WWOX: variants seen among roughly 807,000 people sequenced by gnomAD.
WWOX encodes the protein WW domain-containing oxidoreductase.
A neutral mutation model predicts 46.2 loss-of-function variants in WWOX; 69 were observed. The ratio of observed to expected loss-of-function variants is 1.49; its 90% CI spans 1.23 to 1.82. WWOX has a LOEUF of 1.82. WWOX is among the 40% of genes most tolerant of loss of function. The probability of loss-of-function intolerance (pLI) is 0.00; values close to 1 mark genes in which losing one functional copy is unlikely to be tolerated. For missense variants in WWOX, 919 were observed against 542.6 expected, an observed-to-expected ratio of 1.69 and a Z score of -6.89; for synonymous variants, 359 against 202.6, an observed-to-expected ratio of 1.77 and a Z score of -6.56.
intron 8 of WWOX, among the ~76,000 whole-genome samples, chr16:78,864,301 C>G (rs2043955122): frequency 6.7e-6 from 1 of 149,686 alleles, no homozygotes; most frequent in African/African-American, 2.5e-5. Flanking sequence ...GAATCTTGCT[C>G]TGTTGCCCAG....
intron 5 of WWOX, among the ~76,000 whole-genome samples, chr16:78,362,762 T>G (rs185696655): frequency 5.9e-5 from 9 of 152,230 alleles, no homozygotes; most frequent in Admixed American, 5.9e-4. Context: ...AAGAACTTAC[T>G]ATGTGTCCAG....
At chr16:78,970,595 G>A (rs1259036897) in intron 8 of WWOX, among the ~76,000 whole-genome samples, 3 of 152,190 alleles carry the variant, frequency 2.0e-5, no homozygotes, top group African/African-American at 7.2e-5. Context: ...CAAGGTAGAA[G>A]GAACAGTATG....
chr16:78,829,785 T>C (rs1441816031), intron 8 of WWOX, among the ~76,000 whole-genome samples: 1 of 152,198 alleles, frequency 6.6e-6, no homozygotes, highest in Admixed American at 6.5e-5. Context: ...GAATTGCAGA[T>C]TGTAGCCAAA....
At chr16:79,072,799 G>C (rs1258160677) in intron 8 of WWOX, among the ~76,000 whole-genome samples, 1 of 152,084 alleles carries the variant, frequency 6.6e-6, no homozygotes, top group East Asian at 1.9e-4. Context: ...CTAGTATTTA[G>C]TAAATGCTTG....
intron 6 of WWOX, among the ~76,000 whole-genome samples, chr16:78,393,767 T>A (rs564789377): frequency 6.6e-6 from 1 of 152,186 alleles, no homozygotes; most frequent in Non-Finnish European, 1.5e-5. Context: ...TTCTGAACTT[T>A]CTGTCACCGG....
chr16:79,039,540 A>G (rs2047932043), intron 8 of WWOX, among the ~76,000 whole-genome samples: 2 of 152,172 alleles, frequency 1.3e-5, no homozygotes, highest in African/African-American at 2.4e-5. Flanking sequence ...CCTTTTGCCC[A>G]TGACTGTGTC....
At chr16:78,913,117 C>T (rs1451562393) in intron 8 of WWOX, among the ~76,000 whole-genome samples, 3 of 151,998 alleles carry the variant, frequency 2.0e-5, no homozygotes, top group Admixed American at 2.0e-4. Flanking sequence ...TCCTGCCCTA[C>T]CTCCTGCCAG....
intron 8 of WWOX, among the ~76,000 whole-genome samples, chr16:78,663,703 G>A (rs2047267459): frequency 1.3e-5 from 2 of 152,166 alleles, no homozygotes; most frequent in Admixed American, 1.3e-4. Flanking sequence ...AATAAAGTAG[G>A]GAAAGAAAAC....
rs185277995 is a variant in WWOX at position 78,980,288 on chromosome 16, G to A, written c.1057-231320G>A. ...CCATTTGACAGATGGAAAAACTAAGGTAGTTTGCCAAAGATGGCTCTTTGC... is the reference window on the plus strand; with the variant it reads ...CCATTTGACAGATGGAAAAACTAAGATAGTTTGCCAAAGATGGCTCTTTGC... On this transcript the variant is annotated intron_variant, in intron 8 of 8. Coordinates refer to ENST00000566780, the MANE Select transcript of WWOX (RefSeq NM_016373.4). Among the ~76,000 whole-genome samples the A allele has an allele frequency of 5.3e-5, 8 of 152,274 alleles. No homozygotes were observed. The East Asian group carries it at 1.5e-3, about 29-fold the overall frequency.
At chr16:79,050,702 T>C (rs1025005150) in intron 8 of WWOX, among the ~76,000 whole-genome samples, 26 of 152,012 alleles carry the variant, frequency 1.7e-4, no homozygotes, top group African/African-American at 5.1e-4. Context: ...AAAAAATCAA[T>C]CTGGCGAAAT....
At chr16:78,751,662 A>T (rs1355522871) in intron 8 of WWOX, among the ~76,000 whole-genome samples, 2 of 151,956 alleles carry the variant, frequency 1.3e-5, no homozygotes, top group East Asian at 3.9e-4. Flanking sequence ...ACAATACTCC[A>T]AGAAAGCCAT....
chr16:78,842,382 A>T (rs2052177079), intron 8 of WWOX, among the ~76,000 whole-genome samples: 1 of 151,762 alleles, frequency 6.6e-6, no homozygotes, highest in African/African-American at 2.4e-5. Context: ...GCACACCTGT[A>T]GGCTGAGCTG....
At chr16:78,362,331 A>C (rs1303628734) in intron 5 of WWOX, among the ~76,000 whole-genome samples, 1 of 152,124 alleles carries the variant, frequency 6.6e-6, no homozygotes, top group Admixed American at 6.6e-5. Context: ...AAAACAGGAC[A>C]GGCATTACAG....
chr16:78,828,919 A>G (rs534994597), intron 8 of WWOX, among the ~76,000 whole-genome samples: 5 of 152,186 alleles, frequency 3.3e-5, no homozygotes, highest in Admixed American at 1.3e-4. Flanking sequence ...CCTTTTAGAG[A>G]TAAGGTAATC....
chr16:78,693,749 C>T (rs886294002), intron 8 of WWOX, among the ~76,000 whole-genome samples: 9 of 152,144 alleles, frequency 5.9e-5, no homozygotes, highest in African/African-American at 2.2e-4. Context: ...GAGAACTATG[C>T]AGCTCTAAAC....
At chr16:78,585,529 G>A (rs1183268935) in intron 8 of WWOX, among the ~76,000 whole-genome samples, 2 of 152,116 alleles carry the variant, frequency 1.3e-5, no homozygotes, top group Non-Finnish European at 2.9e-5. Flanking sequence ...TCCCCAGAGG[G>A]TCCCTCGGTA....
chr16:79,208,837 C>G (rs1183072421), intron 8 of WWOX, among the ~76,000 whole-genome samples: 1 of 152,184 alleles, frequency 6.6e-6, no homozygotes, highest in Non-Finnish European at 1.5e-5. Context: ...ATTGGTACGG[C>G]TGAAAATTCT....
intron 8 of WWOX, among the ~76,000 whole-genome samples, chr16:78,822,034 G>A (rs922825935): frequency 2.0e-5 from 3 of 152,080 alleles, no homozygotes; most frequent in East Asian, 3.9e-4. Context: ...GCACCACCAT[G>A]CCCAGCTATT....
intron 8 of WWOX, among the ~76,000 whole-genome samples, chr16:78,466,628 G>A (rs1386746396): frequency 6.6e-6 from 1 of 152,034 alleles, no homozygotes; most frequent in Non-Finnish European, 1.5e-5. Flanking sequence ...TCAGGAGTTC[G>A]AGATCAGCCT....
Sources: allele counts gnomAD v4.1 joint callset (sites outside exome capture counted in the v4.1 genomes callset), GRCh38; gene constraint gnomAD v4.1.1; transcripts MANE v1.5; gene names NCBI Gene and HGNC (gene_info 2026-07-23, HGNC 2026-07-21).